ARHGAP15: variants seen among roughly 807,000 people sequenced by gnomAD.
ARHGAP15 encodes Rho GTPase activating protein 15.
Under a neutral mutation model 63.7 loss-of-function variants are expected in ARHGAP15, and 51 were observed. The observed-to-expected ratio is 0.80, with a 90% CI of 0.64 to 1.01. The LOEUF is 1.01. Ranked by LOEUF, ARHGAP15 falls within the 50% of genes least tolerant of loss-of-function variation. The probability of loss-of-function intolerance (pLI) is 0.00; values close to 1 mark genes in which losing one functional copy is unlikely to be tolerated. For missense variants in ARHGAP15, 560 were observed against 564.6 expected (o/e 0.99, Z 0.08); for synonymous variants, 191 against 193.8 (o/e 0.99, Z 0.12).
At position 143,417,172 on chromosome 2, in the gene ARHGAP15, C is replaced by T. The variant is rs79409815; in HGVS notation, c.475-18429C>T. Among the ~76,000 whole-genome samples the T allele has an allele frequency of 8.2e-3, 1,241 of 151,992 alleles. 13 individuals are homozygous for T. The highest frequency in any genetic ancestry group is 0.014 in the Non-Finnish European group (928 of 67,968). On this transcript the variant is annotated intron_variant, in intron 6 of 13. Coordinates refer to ENST00000295095, the MANE Select transcript of ARHGAP15 (RefSeq NM_018460.4). ...TCTCGGGGGGTCTTAAGTCAGGTCT[C>T]TTTATCCCCTTCTACATAGGATTTA...
Position 143,234,567 on chromosome 2 carries a change from G to T in ARHGAP15, c.384+5899G>T, listed in dbSNP as rs149368716. On this transcript the variant is annotated intron_variant, in intron 5 of 13. Coordinates refer to ENST00000295095, the MANE Select transcript of ARHGAP15 (RefSeq NM_018460.4). ...CCAATTATGTCTACATAATAGGAGGGCCGTAGCTATCCTGCCACTTCTCAG... is the reference window on the plus strand; with the variant it reads ...CCAATTATGTCTACATAATAGGAGGTCCGTAGCTATCCTGCCACTTCTCAG... Among the ~76,000 whole-genome samples, 386 of 152,266 alleles carry T rather than the reference G, an allele frequency of 2.5e-3. 3 individuals carry two copies. Among genetic ancestry groups the T allele is most frequent in the African/African-American group, 9.0e-3 (374 of 41,554 alleles).
At chr2:143,587,789 A>G (rs377691633) in intron 11 of ARHGAP15, 3 of 468,362 alleles carry the variant, frequency 6.4e-6, no homozygotes, top group African/African-American at 6.0e-5. Flanking sequence ...CTCCAGAGCA[A>G]GCCAATAATT....
chr2:143,735,488 TGTATC>T (rs1260627251), intron 13 of ARHGAP15, among the ~76,000 whole-genome samples: 3 of 152,216 alleles, frequency 2.0e-5, no homozygotes, highest in Non-Finnish European at 4.4e-5. Context: ...ACACCAGAAT[TGTATC>T]GTATCAGCTT....
intron 8 of ARHGAP15, among the ~76,000 whole-genome samples, chr2:143,474,077 G>A (rs1691703588): frequency 6.6e-6 from 1 of 152,108 alleles, no homozygotes; most frequent in East Asian, 1.9e-4. Context: ...AGCTTAGGCT[G>A]AAACACATGG....
intron 10 of ARHGAP15, among the ~76,000 whole-genome samples, chr2:143,548,259 A>C (rs932177869): frequency 1.3e-5 from 2 of 152,134 alleles, no homozygotes; most frequent in Non-Finnish European, 2.9e-5. Context: ...TTTGAAAATG[A>C]TCCCAATTGC....
chr2:143,140,250 G>A (rs1162635306), intron 1 of ARHGAP15, among the ~76,000 whole-genome samples: 1 of 151,986 alleles, frequency 6.6e-6, no homozygotes, highest in Non-Finnish European at 1.5e-5. Context: ...TAGCTGTGTG[G>A]GCAAAGGGAA....
intron 6 of ARHGAP15, among the ~76,000 whole-genome samples, chr2:143,261,963 C>A (rs935824900): frequency 6.6e-6 from 1 of 152,056 alleles, no homozygotes; most frequent in African/African-American, 2.4e-5. Flanking sequence ...TTTCTGGTTG[C>A]CTCTGGGTGG....
chr2:143,629,809 C>T (rs1477781172), intron 12 of ARHGAP15, among the ~76,000 whole-genome samples: 1 of 152,128 alleles, frequency 6.6e-6, no homozygotes, highest in Non-Finnish European at 1.5e-5. Flanking sequence ...ATTTCTAGCT[C>T]ATAAAGTAGT....
intron 6 of ARHGAP15, among the ~76,000 whole-genome samples, chr2:143,332,941 A>G (rs901023388): frequency 1.3e-5 from 2 of 150,864 alleles, no homozygotes; most frequent in Non-Finnish European, 2.9e-5. Flanking sequence ...ACTGTCATTT[A>G]GTCCTTAAAA....
chr2:143,735,220 A>G (rs1685698784), intron 13 of ARHGAP15, among the ~76,000 whole-genome samples: 1 of 152,210 alleles, frequency 6.6e-6, no homozygotes, highest in Admixed American at 6.5e-5. Context: ...GTGAAAACCT[A>G]TCTTAGGCTT....
intron 11 of ARHGAP15, among the ~76,000 whole-genome samples, chr2:143,614,269 A>G (rs1462870312): frequency 6.6e-6 from 1 of 152,160 alleles, no homozygotes; most frequent in Non-Finnish European, 1.5e-5. Flanking sequence ...GAAGTTATAT[A>G]ATAACATTTA....
chr2:143,142,569 A>G (rs182160239), intron 1 of ARHGAP15, among the ~76,000 whole-genome samples: 63 of 152,244 alleles, frequency 4.1e-4, no homozygotes, highest in African/African-American at 1.5e-3. Flanking sequence ...TTGTCTTTGC[A>G]TCAACTGTTA....
At chr2:143,498,546 C>T (rs770053270) in intron 9 of ARHGAP15, among the ~76,000 whole-genome samples, 4 of 152,070 alleles carry the variant, frequency 2.6e-5, no homozygotes, top group Non-Finnish European at 5.9e-5. Context: ...TGTAGCATTG[C>T]TCCTCCTTAG....
chr2:143,696,796 ATCAGT>A (rs750209490), intron 12 of ARHGAP15, among the ~76,000 whole-genome samples: 2 of 152,122 alleles, frequency 1.3e-5, no homozygotes, highest in African/African-American at 2.4e-5. Context: ...AAAAGAGGTG[ATCAGT>A]TCCAACTCTC....
At chr2:143,161,087 A>G (rs181242545) in intron 2 of ARHGAP15, among the ~76,000 whole-genome samples, 2 of 152,150 alleles carry the variant, frequency 1.3e-5, no homozygotes, top group East Asian at 3.9e-4. Context: ...ACTTATTTCC[A>G]TAATAACAAC....
chr2:143,359,395 C>T (rs1440990153), intron 6 of ARHGAP15, among the ~76,000 whole-genome samples: 2 of 152,198 alleles, frequency 1.3e-5, no homozygotes, highest in African/African-American at 4.8e-5. Context: ...CTATCATCAA[C>T]ACCTTTCATA....
chr2:143,429,542 G>A (rs1008443454), intron 6 of ARHGAP15, among the ~76,000 whole-genome samples: 1 of 152,062 alleles, frequency 6.6e-6, no homozygotes, highest in African/African-American at 2.4e-5. Context: ...ACATGGGCAG[G>A]TTATTTTGAT....
intron 9 of ARHGAP15, among the ~76,000 whole-genome samples, chr2:143,505,847 T>C (rs13020925): frequency 0.26 from 39,971 of 152,106 alleles, 6,120 homozygotes; most frequent in East Asian, 0.71. Flanking sequence ...GCTTTTAACC[T>C]GAGGCTGAGA....
intron 10 of ARHGAP15, among the ~76,000 whole-genome samples, chr2:143,545,743 A>G (rs959120031): frequency 1.2e-4 from 19 of 152,136 alleles, no homozygotes; most frequent in Admixed American, 6.5e-4. Flanking sequence ...CTACATCACA[A>G]TTGGGATTTT....
Sources: gnomAD v4.1 joint callset for allele counts (sites outside exome capture counted in the v4.1 genomes callset) on GRCh38, gnomAD v4.1.1 for gene constraint, MANE v1.5 for transcripts, NCBI Gene and HGNC (gene_info 2026-07-23, HGNC 2026-07-21) for gene names.